TAFA2: variants seen among roughly 807,000 people sequenced by gnomAD.
TAFA2 encodes the protein TAFA chemokine like family member 2, also known as chemokine-like protein TAFA-2.
A neutral mutation model predicts 18.8 loss-of-function variants in TAFA2; 7 were observed. That is an observed-to-expected ratio of 0.37 (90% confidence interval 0.21 to 0.70). TAFA2 has a LOEUF of 0.70. Ranked by LOEUF, TAFA2 falls within the 30% of genes least tolerant of loss-of-function variation. The pLI, the probability that TAFA2 is intolerant of heterozygous loss-of-function variation, is 0.53. For synonymous variants in TAFA2, 60 were observed against 54.2 expected, an observed-to-expected ratio of 1.11 and a Z score of -0.47; for missense variants, 122 against 158.1, an observed-to-expected ratio of 0.77 and a Z score of 1.23.
At chr12:62,227,400 A>C (rs1201876728) in intron 1 of TAFA2, among the ~76,000 whole-genome samples, 1 of 152,008 alleles carries the variant, frequency 6.6e-6, no homozygotes, top group Non-Finnish European at 1.5e-5. Flanking sequence ...GGGGCAGCAA[A>C]CTCTCTGGCA....
At chr12:62,176,210 T>A (rs1427090068) in intron 1 of TAFA2, among the ~76,000 whole-genome samples, 1 of 152,240 alleles carries the variant, frequency 6.6e-6, no homozygotes, top group Non-Finnish European at 1.5e-5. Context: ...TAATTTAAAA[T>A]AGATTTACTT....
chr12:62,181,958 C>T (rs1352982871), intron 1 of TAFA2, among the ~76,000 whole-genome samples: 1 of 150,810 alleles, frequency 6.6e-6, no homozygotes, highest in African/African-American at 2.5e-5. Context: ...CCAATAAATA[C>T]ACAAGGAAAG....
intron 2 of TAFA2, among the ~76,000 whole-genome samples, chr12:61,755,276 T>A (rs551713422): frequency 5.3e-5 from 8 of 152,278 alleles, no homozygotes; most frequent in African/African-American, 1.9e-4. Flanking sequence ...CTGTTAAAAG[T>A]CTGATACAGA....
At chr12:62,228,007 A>G (rs1442562986) in intron 1 of TAFA2, among the ~76,000 whole-genome samples, 12 of 152,118 alleles carry the variant, frequency 7.9e-5, no homozygotes, top group Non-Finnish European at 1.8e-4. Flanking sequence ...TTTGGTTACT[A>G]TGGCTTTGTA....
intron 1 of TAFA2, among the ~76,000 whole-genome samples, chr12:61,989,428 G>A (rs751812329): frequency 4.9e-5 from 7 of 141,770 alleles, no homozygotes; most frequent in East Asian, 2.1e-4. Flanking sequence ...AATGTCCATC[G>A]CATTCTAAGT....
At chr12:61,989,804 C>T (rs949402750) in intron 1 of TAFA2, among the ~76,000 whole-genome samples, 2 of 152,094 alleles carry the variant, frequency 1.3e-5, no homozygotes, top group African/African-American at 4.8e-5. Context: ...GTGGAGGAAA[C>T]GATACCAATT....
intron 2 of TAFA2, among the ~76,000 whole-genome samples, chr12:61,841,790 T>C (rs572044299): frequency 5.9e-5 from 9 of 152,242 alleles, no homozygotes; most frequent in African/African-American, 2.2e-4. Context: ...GTGAATAATA[T>C]GCTGAAAACC....
At chr12:62,021,471 ATTC>A (rs967811560) in intron 1 of TAFA2, 5 of 436,860 alleles carry the variant, frequency 1.1e-5, no homozygotes, top group African/African-American at 1.1e-4. Flanking sequence ...CCACTGCATC[ATTC>A]TTTTTTTTTT....
rs570425495 is a variant in TAFA2, at chr12:62,128,724, T to C, written c.-2+62535A>G. ...AATAGCATGGCACATATTAGGTGTT[T>C]AATATGTGCTTAGTTAAAAAGGAAT... On this transcript the variant is annotated intron_variant, in intron 1 of 4. Transcript: ENST00000416284. 7.9e-5 allele frequency among the ~76,000 whole-genome samples: 12 copies of C among 152,162 alleles called. No individual in the cohort carries two copies. The South Asian group carries it at 1.5e-3, about 18-fold the overall frequency.
At chr12:62,147,340 A>G (rs397832737) in intron 1 of TAFA2, among the ~76,000 whole-genome samples, 37 of 75,502 alleles carry the variant, frequency 4.9e-4, no homozygotes, top group African/African-American at 6.6e-4. Flanking sequence ...ATATATATAT[A>G]TATATATATA....
intron 1 of TAFA2, among the ~76,000 whole-genome samples, chr12:62,136,240 AT>A (rs1870891545): frequency 6.6e-6 from 1 of 152,132 alleles, no homozygotes; most frequent in Non-Finnish European, 1.5e-5. Flanking sequence ...AGATGCAATA[AT>A]CTTCAAAGTT....
At chr12:61,766,200 A>C (rs771036926) in intron 2 of TAFA2, among the ~76,000 whole-genome samples, 1 of 152,114 alleles carries the variant, frequency 6.6e-6, no homozygotes, top group Non-Finnish European at 1.5e-5. Flanking sequence ...TCCTTCTAAA[A>C]GTAATTCTGC....
chr12:61,954,368 C>T (rs1383724605), intron 1 of TAFA2, among the ~76,000 whole-genome samples: 1 of 152,066 alleles, frequency 6.6e-6, no homozygotes, highest in African/African-American at 2.4e-5. Flanking sequence ...AGGGAAAACA[C>T]TAATTTATTT....
intron 4 of TAFA2, among the ~76,000 whole-genome samples, chr12:61,717,875 C>T (rs1325564381): frequency 1.3e-5 from 2 of 152,108 alleles, no homozygotes; most frequent in East Asian, 1.9e-4. Flanking sequence ...TAAAAAAATA[C>T]CTGAAACTTG....
intron 1 of TAFA2, among the ~76,000 whole-genome samples, chr12:62,113,476 G>A (rs566194624): frequency 6.8e-4 from 103 of 152,312 alleles, no homozygotes; most frequent in African/African-American, 2.4e-3. Flanking sequence ...GGAGTTCAGG[G>A]ACTCACTTGA....
chr12:62,079,690 A>C (rs565244206), intron 1 of TAFA2, among the ~76,000 whole-genome samples: 1 of 152,032 alleles, frequency 6.6e-6, no homozygotes, highest in Non-Finnish European at 1.5e-5. Flanking sequence ...TTTTAACAGC[A>C]TGTTGTTACT....
intron 1 of TAFA2, among the ~76,000 whole-genome samples, chr12:62,214,709 T>C (rs531444675): frequency 3.3e-5 from 5 of 152,230 alleles, no homozygotes; most frequent in South Asian, 2.1e-4. Flanking sequence ...AGCAATATCA[T>C]AGAAAGATAG....
At chr12:61,999,442 T>C (rs1355991127) in intron 1 of TAFA2, among the ~76,000 whole-genome samples, 1 of 152,196 alleles carries the variant, frequency 6.6e-6, no homozygotes. Flanking sequence ...TAAGATTACA[T>C]AACTAGGGGA....
At chr12:62,155,918 T>C (rs1421903553) in intron 1 of TAFA2, among the ~76,000 whole-genome samples, 1 of 152,112 alleles carries the variant, frequency 6.6e-6, no homozygotes, top group Non-Finnish European at 1.5e-5. Flanking sequence ...CAAAAGCAAA[T>C]GCAATAAAAC....
Sources: allele counts gnomAD v4.1 joint callset (sites outside exome capture counted in the v4.1 genomes callset), GRCh38; gene constraint gnomAD v4.1.1; transcripts MANE v1.5; gene names NCBI Gene and HGNC (gene_info 2026-07-23, HGNC 2026-07-21).